Variants in SH3TC2 observed in about 807,000 individuals in gnomAD.
The protein encoded by SH3TC2 is SH3 domain and tetratricopeptide repeats 2.
Under a neutral mutation model 124.5 loss-of-function variants are expected in SH3TC2, and 87 were observed. The ratio of observed to expected loss-of-function variants is 0.70; its 90% CI spans 0.59 to 0.84. The LOEUF is 0.84. SH3TC2 is among the 40% of genes least tolerant of loss of function. SH3TC2 has a pLI of 0.00. For missense variants in SH3TC2, 1,536 were observed against 1,566.4 expected, an observed-to-expected ratio of 0.98 and a Z score of 0.33; for synonymous variants, 634 against 628.5, an observed-to-expected ratio of 1.01 and a Z score of -0.13.
chr5:148,997,315 A>T lies in SH3TC2; in HGVS notation c.*7396T>A, dbSNP rs1395447308. Among the ~76,000 whole-genome samples, 1 of 152,184 alleles carries T rather than the reference A, an allele frequency of 6.6e-6. No homozygotes were observed. Among genetic ancestry groups the T allele is most frequent in the Non-Finnish European group, 1.5e-5 (1 of 68,040 alleles). On this transcript the variant is annotated 3_prime_UTR_variant, in exon 17 of 17. Transcript: ENST00000515425. ...CTCATTCACCTCACTCCCAACCTGG[A>T]ATCTTCTTCAAAACATAACTTACTG...
At position 148,985,232 on chromosome 5, in the gene SH3TC2, T is replaced by C. The variant is rs1298921569; in HGVS notation, c.*19479A>G. On this transcript the variant is annotated 3_prime_UTR_variant, in exon 17 of 17. Transcript: ENST00000515425. ...CTACTCATTTGAGGGTACCCTGTTA[T>C]GAAGGTATAATTTATATATAATAAA... 6.6e-6 allele frequency among the ~76,000 whole-genome samples: 1 copy of C among 152,122 alleles called. No homozygotes were observed.
In SH3TC2 at chr5:148,994,921, A is replaced by G. The variant is rs980107082; in HGVS notation, c.*9790T>C. ...TTATCCACATCCCACAATACCATGA[A>G]CTTATGATTTCCCAAGGAAAGAGAC... is the stretch of plus-strand genomic sequence containing the variant. On this transcript the variant is annotated 3_prime_UTR_variant, in exon 17 of 17. Coordinates refer to ENST00000515425, the MANE Select transcript of SH3TC2 (RefSeq NM_024577.4). Among the ~76,000 whole-genome samples, 3 of 152,124 alleles carry G rather than the reference A, an allele frequency of 2.0e-5. No homozygotes were observed. Among genetic ancestry groups the G allele is most frequent in the Non-Finnish European group, 1.5e-5 (1 of 68,030 alleles).
At chr5:149,007,278 A>T in intron 15 of SH3TC2, 1 of 656,150 alleles carries the variant, frequency 1.5e-6, no homozygotes, top group South Asian at 1.7e-5. Flanking sequence ...AATCCCACAA[A>T]CAAATGTAAC....
chr5:149,003,846 T>G lies in SH3TC2; in HGVS notation c.*865A>C. 4.4e-6 allele frequency: 1 copy of G among 225,360 alleles called. No individual in the cohort carries two copies. The allele number at this position is 225,360 out of a possible 1,614,324, so 14.0% of individuals were successfully genotyped here. ...AGCCTGGGCAACAGAGGAGAAACTG[T>G]CTCAAAAAAAAAAAAAAAAAAAAAA... On this transcript the variant is annotated 3_prime_UTR_variant, in exon 17 of 17. Transcript: ENST00000515425.
rs1301368661 is a variant in SH3TC2, at chr5:148,992,089, A to G, written c.*12622T>C. On this transcript the variant is annotated 3_prime_UTR_variant, in exon 17 of 17. Transcript: ENST00000515425. ...TTGTATGACATAAAATTATCAGAAC[A>G]TGAATTCAATCACTAGGTAATAAGA... is the stretch of plus-strand genomic sequence containing the variant. 6.6e-6 allele frequency among the ~76,000 whole-genome samples: 1 copy of G among 152,264 alleles called. No homozygotes were observed. Among genetic ancestry groups the G allele is most frequent in the African/African-American group, 2.4e-5 (1 of 41,480 alleles).
chr5:149,041,729 G>C, intron 5 of SH3TC2, 112 bp from the exon 6 acceptor site: 20 of 1,190,366 alleles, frequency 1.7e-5, no homozygotes, highest in Non-Finnish European at 2.3e-5. Context: ...CTTCCTGGAA[G>C]TAAAGTAGAC....
chr5:149,050,555 T>C (rs1177067567), intron 2 of SH3TC2, among the ~76,000 whole-genome samples: 1 of 152,162 alleles, frequency 6.6e-6, no homozygotes, highest in African/African-American at 2.4e-5. Flanking sequence ...CTCTACTGCA[T>C]TCATGAAACA....
chr5:149,026,674 T>A lies in SH3TC2; in HGVS notation c.2951A>T (p.His984Leu), dbSNP rs978452363. Residue 984 changes from histidine (H) to leucine (L), a missense_variant, in exon 12 of 17, where the codon CAT becomes CTT. His to Leu is a moderately conservative substitution (Grantham distance 99). This residue lies in a region of SH3TC2 where 426 missense variants were observed against 443.5 expected (regional missense o/e 0.96). Coordinates refer to ENST00000515425, the MANE Select transcript of SH3TC2 (RefSeq NM_024577.4). ...SPNPEACITYHEHWLALAQQL... is the reference protein window; with the variant it reads ...SPNPEACITYLEHWLALAQQL... ...CTGAGCCAGGGCCAGCCAGTGCTCA[T>A]GGTAGGTGATGCATGCCTCAGGGTT... 6.2e-7 allele frequency: 1 copy of A among 1,614,094 alleles called. No homozygotes were observed. The highest frequency in any genetic ancestry group is 1.1e-5 in the South Asian group (1 of 91,082).
At position 148,984,304 on chromosome 5, in the gene SH3TC2, C is replaced by A. The variant is rs1753299090; in HGVS notation, c.*20407G>T. ...TTATTCTTTCTTCTGCTTAATTGAA[C>A]CTACTGTTGAAGCTTTCTATTGAAT... On this transcript the variant is annotated 3_prime_UTR_variant, in exon 17 of 17. Transcript: ENST00000515425. 6.6e-6 allele frequency among the ~76,000 whole-genome samples: 1 copy of A among 151,898 alleles called. No homozygotes were observed. The highest frequency in any genetic ancestry group is 1.5e-5 in the Non-Finnish European group (1 of 67,984).
chr5:149,054,226 C>T (rs576001466), intron 1 of SH3TC2, among the ~76,000 whole-genome samples: 29 of 152,200 alleles, frequency 1.9e-4, no homozygotes, highest in Non-Finnish European at 2.8e-4. Flanking sequence ...AAAAATATTG[C>T]TTCATCCTTA....
At position 148,996,571 on chromosome 5, in the gene SH3TC2, G is replaced by A. The variant is rs1300249368; in HGVS notation, c.*8140C>T. ...CGCAGCTGTTATTTCAGCCTAGCCC[G>A]TGGCAGCTCCCCTGAGGAGGAAAGC... On this transcript the variant is annotated 3_prime_UTR_variant, in exon 17 of 17. Coordinates refer to ENST00000515425, the MANE Select transcript of SH3TC2 (RefSeq NM_024577.4). Among the ~76,000 whole-genome samples the A allele has an allele frequency of 1.3e-5, 2 of 152,184 alleles. No individual in the cohort carries two copies. The highest frequency in any genetic ancestry group is 1.9e-4 in the East Asian group (1 of 5,190).
chr5:149,010,205 C>T (rs567190623), intron 14 of SH3TC2, 65 bp downstream of exon 14: 3 of 1,611,324 alleles, frequency 1.9e-6, no homozygotes, highest in East Asian at 4.5e-5. Context: ...AGGCCGAAGT[C>T]CAGCCTGACC....
intron 15 of SH3TC2, chr5:149,008,131 T>G (rs1036494144): frequency 6.5e-6 from 1 of 153,522 alleles, no homozygotes; most frequent in Non-Finnish European, 1.5e-5. Context: ...CCCGATGCCC[T>G]TGAAAATGCC....
intron 8 of SH3TC2, among the ~76,000 whole-genome samples, 191 bp downstream of exon 8, chr5:149,038,104 T>C (rs1045651688): frequency 6.6e-6 from 1 of 152,154 alleles, no homozygotes; most frequent in South Asian, 2.1e-4. Context: ...TGACCACCTG[T>C]TAAAATAAAC....
intron 13 of SH3TC2, among the ~76,000 whole-genome samples, 189 bp downstream of exon 13, chr5:149,012,395 G>A (rs932632170): frequency 5.3e-5 from 8 of 152,160 alleles, no homozygotes; most frequent in African/African-American, 1.7e-4. Flanking sequence ...TTTGCTCCCT[G>A]TATTCAGCTT....
At chr5:149,044,475 T>C (rs1164223570) in intron 4 of SH3TC2, 58 bp downstream of exon 4, 1 of 1,343,702 alleles carries the variant, frequency 7.4e-7, no homozygotes, top group Non-Finnish European at 1.1e-6. Flanking sequence ...TGTCAAGCCC[T>C]ACAAATTGGC....
chr5:149,062,961 G>A lies in SH3TC2; in HGVS notation c.52+10C>T. 1 of 1,584,532 alleles carries A rather than the reference G, an allele frequency of 6.3e-7. No homozygotes were observed. Among genetic ancestry groups the A allele is most frequent in the Non-Finnish European group, 8.6e-7 (1 of 1,164,244 alleles). On this transcript the variant is annotated intron_variant, in intron 1 of 16. Coordinates refer to ENST00000515425, the MANE Select transcript of SH3TC2 (RefSeq NM_024577.4). ...CAAGCCACAGGCCAAGGGCCCCCTG[G>A]GAAACTCACCTGGGCCCCGGGTCAG...
At chr5:149,036,298 T>C (rs1754282304) in intron 8 of SH3TC2, among the ~76,000 whole-genome samples, 1 of 152,136 alleles carries the variant, frequency 6.6e-6, no homozygotes, top group South Asian at 2.1e-4. Flanking sequence ...GACCTACCAA[T>C]GGCCAGTCCC....
At position 148,983,043 on chromosome 5, in the gene SH3TC2, G is replaced by T. The variant is rs1303386436; in HGVS notation, c.*21668C>A. The stretch of plus-strand genomic sequence containing the variant: ...GGTGTTCCCTTTCCTGGGCCTCAGT[G>T]TCCCATCTATGGGATAAAGAGGGAG... On this transcript the variant is annotated 3_prime_UTR_variant, in exon 17 of 17. Coordinates refer to ENST00000515425, the MANE Select transcript of SH3TC2 (RefSeq NM_024577.4). 6.6e-6 allele frequency among the ~76,000 whole-genome samples: 1 copy of T among 152,120 alleles called. No homozygotes were observed. The highest frequency in any genetic ancestry group is 1.5e-5 in the Non-Finnish European group (1 of 68,016).
Sources: gnomAD v4.1 joint callset for allele counts (sites outside exome capture counted in the v4.1 genomes callset) on GRCh38, gnomAD v4.1.1 for gene constraint, gnomAD v4.1.1 regional missense constraint, MANE v1.5 for transcripts, NCBI Gene and HGNC (gene_info 2026-07-23, HGNC 2026-07-21) for gene names.